TDP1: variants seen among roughly 807,000 people sequenced by gnomAD.
The protein encoded by TDP1 is tyr-DNA phosphodiesterase 1.
A neutral mutation model predicts 81.5 loss-of-function variants in TDP1; 64 were observed. The observed-to-expected ratio is 0.79, with a 90% CI of 0.64 to 0.97. The LOEUF (loss-of-function observed/expected upper bound fraction) is 0.97. Among genes scored for constraint, TDP1 ranks in the 50% least tolerant of loss-of-function variants. TDP1 has a pLI of 0.00. For missense variants in TDP1, 723 were observed against 743.8 expected (o/e 0.97, Z 0.33); for synonymous variants, 256 against 264.3 (o/e 0.97, Z 0.30).
intron 15 of TDP1, among the ~76,000 whole-genome samples, chr14:90,026,908 T>A (rs143037646): frequency 0.023 from 3,425 of 149,820 alleles, 110 homozygotes; most frequent in African/African-American, 0.075. Context: ...TGAATAGTGC[T>A]GCAATAAACA....
At chr14:90,018,270 A>G (rs1350707459) in intron 14 of TDP1, among the ~76,000 whole-genome samples, 1 of 152,166 alleles carries the variant, frequency 6.6e-6, no homozygotes, top group Non-Finnish European at 1.5e-5. Flanking sequence ...TAAAAATGAA[A>G]TAGAACTTGG....
chr14:90,033,246 G>A lies in TDP1; in HGVS notation c.1753+32G>A, dbSNP rs754233398. On this transcript the variant is annotated intron_variant, in intron 16 of 16. Coordinates refer to ENST00000335725, the MANE Select transcript of TDP1 (RefSeq NM_018319.4). ...CACAGATAAAGGAAAACCACGGGTG[G>A]ATATGCATAAGAAAAACAAACAGAG... is the stretch of plus-strand genomic sequence containing the variant. The A allele has an allele frequency of 4.9e-5, 61 of 1,246,958 alleles. No homozygotes were observed. The East Asian group carries it at 1.4e-3, about 28-fold the overall frequency. 77.2% of individuals were successfully genotyped at this position (1,246,958 alleles called of 1,614,324 possible).
chr14:89,984,162 T>C, intron 8 of TDP1: 1 of 985,366 alleles, frequency 1.0e-6, no homozygotes, highest in Non-Finnish European at 1.2e-6. Flanking sequence ...GTAGAATTCT[T>C]AACTCTTGTC....
At chr14:90,026,519 G>A (rs1489430218) in intron 15 of TDP1, among the ~76,000 whole-genome samples, 1 of 152,130 alleles carries the variant, frequency 6.6e-6, no homozygotes, top group Non-Finnish European at 1.5e-5. Flanking sequence ...GTGCAGGTTT[G>A]TTACATATGT....
intron 10 of TDP1, chr14:89,986,920 A>AG (rs1195578912): frequency 6.6e-6 from 1 of 152,246 alleles, no homozygotes; most frequent in Non-Finnish European, 1.5e-5. Flanking sequence ...CCAGCCCTCT[A>AG]GGTAGGCATT....
At chr14:89,990,223 T>G (rs1896021852) in intron 12 of TDP1, among the ~76,000 whole-genome samples, 1 of 152,206 alleles carries the variant, frequency 6.6e-6, no homozygotes, top group Admixed American at 6.5e-5. Flanking sequence ...TTTGTTGATA[T>G]GTCTATTCTG....
intron 8 of TDP1, among the ~76,000 whole-genome samples, chr14:89,981,157 T>G (rs1035043007): frequency 6.6e-6 from 1 of 152,224 alleles, no homozygotes; most frequent in Non-Finnish European, 1.5e-5. Context: ...ATGTTAATAG[T>G]GTGCTAAATA....
intron 7 of TDP1, among the ~76,000 whole-genome samples, chr14:89,977,248 T>C (rs184814881): frequency 5.9e-5 from 9 of 152,356 alleles, no homozygotes; most frequent in Non-Finnish European, 1.2e-4. Flanking sequence ...GACATTATCT[T>C]GTAGAAGATT....
At chr14:89,984,768 A>G in intron 9 of TDP1, 85 bp downstream of exon 9, 2 of 1,601,488 alleles carry the variant, frequency 1.2e-6, no homozygotes, top group Non-Finnish European at 8.5e-7. Flanking sequence ...AGGGGCCTGG[A>G]AAGAGGTGGG....
At position 90,043,230 on chromosome 14, in the gene TDP1, T is replaced by A; in HGVS notation, c.*87T>A. ...CTTTGTACTGGATGTCCACTTCCCT[T>A]AAAGTCTTATTTGCACCCTTACAAA... is the stretch of plus-strand genomic sequence containing the variant. On this transcript the variant is annotated 3_prime_UTR_variant, in exon 17 of 17. Coordinates refer to ENST00000335725, the MANE Select transcript of TDP1 (RefSeq NM_018319.4). 1 of 1,543,490 alleles carries A rather than the reference T, an allele frequency of 6.5e-7. No individual in the cohort carries two copies. The highest frequency in any genetic ancestry group is 8.9e-7 in the Non-Finnish European group (1 of 1,121,698).
chr14:89,963,076 G>GAA, intron 2 of TDP1, 32 bp from the exon 3 acceptor site: 1 of 1,614,040 alleles, frequency 6.2e-7, no homozygotes. Context: ...TGATGAATGG[G>GAA]AAATGCTGAT....
At chr14:89,983,331 C>T (rs1895200848) in intron 8 of TDP1, 2 of 324,584 alleles carry the variant, frequency 6.2e-6, no homozygotes, top group East Asian at 8.9e-5. Context: ...CCTCATCACA[C>T]CATGCTACCT....
chr14:90,022,788 G>A (rs2140281137), intron 15 of TDP1: 2 of 985,070 alleles, frequency 2.0e-6, no homozygotes, highest in South Asian at 9.4e-5. Context: ...TAACATTGAT[G>A]GTTTTGACCT....
intron 7 of TDP1, among the ~76,000 whole-genome samples, chr14:89,977,747 T>C (rs1403928528): frequency 6.6e-6 from 1 of 152,228 alleles, no homozygotes; most frequent in Non-Finnish European, 1.5e-5. Context: ...TTCCAGATCA[T>C]AGTGATGGAG....
chr14:89,982,351 C>G (rs898618868), intron 8 of TDP1, among the ~76,000 whole-genome samples: 1 of 152,144 alleles, frequency 6.6e-6, no homozygotes, highest in African/African-American at 2.4e-5. Flanking sequence ...GTTAACTATG[C>G]CTTTGGTACC....
At chr14:89,956,892 C>CT (rs1566834423) in intron 2 of TDP1, 92 bp downstream of exon 2, 2 of 152,278 alleles carry the variant, frequency 1.3e-5, no homozygotes, top group African/African-American at 2.4e-5. Flanking sequence ...GAGCGAGACT[C>CT]TGTCTCAAAA....
intron 14 of TDP1, among the ~76,000 whole-genome samples, chr14:90,015,002 T>C (rs1490361545): frequency 1.3e-5 from 2 of 152,232 alleles, no homozygotes; most frequent in African/African-American, 4.8e-5. Flanking sequence ...TCAGAGATTT[T>C]ACCTTAGGAT....
At chr14:89,981,112 A>G (rs1894921370) in intron 8 of TDP1, among the ~76,000 whole-genome samples, 1 of 152,248 alleles carries the variant, frequency 6.6e-6, no homozygotes, top group Non-Finnish European at 1.5e-5. Context: ...CTTCCCAAAC[A>G]GGAATCAAAG....
chr14:89,984,915 C>G, intron 9 of TDP1: 1 of 985,034 alleles, frequency 1.0e-6, no homozygotes, highest in Non-Finnish European at 1.2e-6. Flanking sequence ...GGGTTACTCT[C>G]ACAATTATTG....
Sources: gnomAD v4.1 joint callset for allele counts (sites outside exome capture counted in the v4.1 genomes callset) on GRCh38, gnomAD v4.1.1 for gene constraint, MANE v1.5 for transcripts, NCBI Gene and HGNC (gene_info 2026-07-23, HGNC 2026-07-21) for gene names.